The following PRR16 variants were observed in gnomAD, a reference collection of about 807,000 sequenced individuals.
PRR16 encodes the protein protein Largen.
PRR16 carries 6 observed loss-of-function variants against 18.2 expected under a neutral mutation model. That is an observed-to-expected ratio of 0.33 (90% confidence interval 0.18 to 0.65). PRR16 has a LOEUF of 0.65. Among genes scored for constraint, PRR16 ranks in the 30% least tolerant of loss-of-function variants. The pLI, the probability that PRR16 is intolerant of heterozygous loss-of-function variation, is 0.74. For synonymous variants in PRR16, 151 were observed against 147.8 expected (o/e 1.02, Z -0.16); for missense variants, 412 against 376.6 (o/e 1.09, Z -0.78).
chr5:120,623,985 A>G (rs999288114), intron 1 of PRR16, among the ~76,000 whole-genome samples: 1 of 152,032 alleles, frequency 6.6e-6, no homozygotes, highest in East Asian at 1.9e-4. Context: ...ATTTTTTACA[A>G]TTGTATGCTT....
At chr5:120,624,790 G>A (rs529994681) in intron 1 of PRR16, among the ~76,000 whole-genome samples, 30 of 152,230 alleles carry the variant, frequency 2.0e-4, no homozygotes, top group South Asian at 8.3e-4. Context: ...TCATCTTGTA[G>A]CCTCCATAAT....
intron 1 of PRR16, among the ~76,000 whole-genome samples, chr5:120,550,562 A>G (rs1752222783): frequency 6.6e-6 from 1 of 152,018 alleles, no homozygotes; most frequent in African/African-American, 2.4e-5. Context: ...GCATGCAGTA[A>G]AAGGGTGTTT....
the PRR16 span, among the ~76,000 whole-genome samples, chr5:120,792,512 T>A: frequency 1.4e-3 from 212 of 152,332 alleles, no homozygotes; most frequent in African/African-American, 4.9e-3. Context: ...CAGTTCCCAC[T>A]GAGAAGTACT....
chr5:120,677,260 T>C (rs1489487635), intron 1 of PRR16, among the ~76,000 whole-genome samples: 1 of 149,074 alleles, frequency 6.7e-6, no homozygotes, highest in Non-Finnish European at 1.5e-5. Context: ...AAAGTGGCCC[T>C]ACTGTGTCCT....
chr5:120,781,744 G>GT, the PRR16 span, among the ~76,000 whole-genome samples: 1 of 152,058 alleles, frequency 6.6e-6, no homozygotes, highest in Non-Finnish European at 1.5e-5. Context: ...AATAAAAGCA[G>GT]TTTTTTTCTT....
At chr5:120,680,322 T>G (rs1441785273) in intron 1 of PRR16, among the ~76,000 whole-genome samples, 1 of 152,148 alleles carries the variant, frequency 6.6e-6, no homozygotes, top group African/African-American at 2.4e-5. Context: ...CTACTGAATA[T>G]ATCTTTTTAT....
At chr5:120,554,834 C>CT in intron 1 of PRR16, among the ~76,000 whole-genome samples, 1 of 152,006 alleles carries the variant, frequency 6.6e-6, no homozygotes, top group South Asian at 2.1e-4. Context: ...CTCATAATTT[C>CT]TTAAGAATTT....
the PRR16 span, among the ~76,000 whole-genome samples, chr5:120,783,936 G>A: frequency 6.6e-6 from 1 of 151,868 alleles, no homozygotes; most frequent in African/African-American, 2.4e-5. Flanking sequence ...AATTTTTTAA[G>A]CTCCCACCTA....
chr5:120,569,251 A>G (rs911947534), intron 1 of PRR16, among the ~76,000 whole-genome samples: 1 of 152,194 alleles, frequency 6.6e-6, no homozygotes, highest in African/African-American at 2.4e-5. Flanking sequence ...GTGTGCTTTC[A>G]TAAGCTTGTG....
intron 1 of PRR16, among the ~76,000 whole-genome samples, chr5:120,517,456 TA>T (rs1170274991): frequency 6.6e-6 from 1 of 152,066 alleles, no homozygotes; most frequent in Non-Finnish European, 1.5e-5. Flanking sequence ...TATGTTTTTT[TA>T]AAAAACCTTT....
the PRR16 span, among the ~76,000 whole-genome samples, chr5:120,720,041 A>G: frequency 1.3e-5 from 2 of 152,028 alleles, no homozygotes; most frequent in Non-Finnish European, 2.9e-5. Context: ...ACTTAGGCCC[A>G]AAGTAGAGCA....
intron 1 of PRR16, among the ~76,000 whole-genome samples, chr5:120,487,546 G>A (rs1442330463): frequency 2.6e-5 from 4 of 151,974 alleles, no homozygotes; most frequent in South Asian, 2.1e-4. Flanking sequence ...GGAGATTTTG[G>A]GCTGAGACGA....
At chr5:120,574,358 C>T (rs1753006864) in intron 1 of PRR16, among the ~76,000 whole-genome samples, 1 of 152,102 alleles carries the variant, frequency 6.6e-6, no homozygotes, top group Non-Finnish European at 1.5e-5. Context: ...TAACTCAGCA[C>T]TTTGGGAGGC....
At chr5:120,750,468 G>T in the PRR16 span, among the ~76,000 whole-genome samples, 1 of 151,844 alleles carries the variant, frequency 6.6e-6, no homozygotes, top group Non-Finnish European at 1.5e-5. Context: ...AGACCAGCCT[G>T]ATCAACATGG....
chr5:120,499,147 T>C (rs1750360702), intron 1 of PRR16, among the ~76,000 whole-genome samples: 1 of 151,794 alleles, frequency 6.6e-6, no homozygotes, highest in Non-Finnish European at 1.5e-5. Context: ...TCCGCTCTTG[T>C]TGCCCAGGCT....
intron 1 of PRR16, among the ~76,000 whole-genome samples, chr5:120,490,973 T>G (rs572470664): frequency 6.6e-6 from 1 of 152,318 alleles, no homozygotes; most frequent in South Asian, 2.1e-4. Context: ...CAGCGGATAT[T>G]GGTGAACAGC....
chr5:120,555,408 A>C (rs1309866371), intron 1 of PRR16, among the ~76,000 whole-genome samples: 1 of 151,966 alleles, frequency 6.6e-6, no homozygotes, highest in East Asian at 1.9e-4. Flanking sequence ...CTGGAGCAAG[A>C]AAGTTCCAAG....
chr5:120,765,330 A>T, the PRR16 span, among the ~76,000 whole-genome samples: 1 of 151,992 alleles, frequency 6.6e-6, no homozygotes, highest in Non-Finnish European at 1.5e-5. Context: ...TGATGATTCA[A>T]ATGTCCCTTG....
chr5:120,486,230 C>T (rs1233389320), intron 1 of PRR16, among the ~76,000 whole-genome samples: 1 of 152,222 alleles, frequency 6.6e-6, no homozygotes. Flanking sequence ...GCCACACTGA[C>T]TTCCACAGTG....
Sources: allele counts gnomAD v4.1 joint callset (sites outside exome capture counted in the v4.1 genomes callset), GRCh38; gene constraint gnomAD v4.1.1; transcripts MANE v1.5; gene names NCBI Gene and HGNC (gene_info 2026-07-23, HGNC 2026-07-21).